The following UPB1 variants were observed in gnomAD, a reference collection of about 807,000 sequenced individuals.
The protein encoded by UPB1 is beta-ureidopropionase.
Under a neutral mutation model 49.1 loss-of-function variants are expected in UPB1, and 40 were observed. That is an observed-to-expected ratio of 0.81 (90% CI 0.63 to 1.06). UPB1 has a LOEUF of 1.06. Ranked by LOEUF, UPB1 falls within the 50% of genes least tolerant of loss-of-function variation. The probability of loss-of-function intolerance (pLI) is 0.00; values close to 1 mark genes in which losing one functional copy is unlikely to be tolerated. For missense variants in UPB1, 499 were observed against 505.9 expected, an observed-to-expected ratio of 0.99 and a Z score of 0.13; for synonymous variants, 207 against 198.2, an observed-to-expected ratio of 1.04 and a Z score of -0.38.
intron 3 of UPB1, chr22:24,502,946 G>A (rs1380626801): frequency 5.7e-6 from 1 of 175,790 alleles, no homozygotes; most frequent in African/African-American, 2.4e-5. Context: ...CAGGCTTAGA[G>A]TACAATCACA....
At position 24,523,632 on chromosome 22, in the gene UPB1, T is replaced by C; in HGVS notation, c.930T>C (p.Phe310=). ...GTTCCTTTAAAGCTCACCAGGACTTTGGCTACTTTTATGGCTCGAGCTATG... is the reference window on the plus strand; with the variant it reads ...GTTCCTTTAAAGCTCACCAGGACTTCGGCTACTTTTATGGCTCGAGCTATG... ...SGDGKKAHQD[F]GYFYGSSYVA... The change falls in exon 9 of 10, where the codon TTT becomes TTC. Residue 310 remains phenylalanine, a synonymous_variant. Transcript: ENST00000326010. The C allele has an allele frequency of 5.0e-6, 8 of 1,614,248 alleles. No homozygotes were observed. Among genetic ancestry groups the C allele is most frequent in the Non-Finnish European group, 6.8e-6 (8 of 1,180,032 alleles).
At chr22:24,496,392 CACACACACACAT>C (rs1261453043) in intron 1 of UPB1, among the ~76,000 whole-genome samples, 3,634 of 141,174 alleles carry the variant, frequency 0.026, 150 homozygotes, top group African/African-American at 0.095. Flanking sequence ...CACACACACA[CACACACACACAT>C]ACACACACAC....
At chr22:24,523,895 CTG>C in intron 9 of UPB1, 122 bp downstream of exon 9, 1 of 1,436,476 alleles carries the variant, frequency 7.0e-7, no homozygotes, top group Non-Finnish European at 9.7e-7. Flanking sequence ...CCTGAGGGCT[CTG>C]TGTGAGCTGA....
rs1331626702 is a variant in UPB1 at position 24,513,321 on chromosome 22, C to T, written c.460-3C>T. 1 of 1,614,002 alleles carries T rather than the reference C, an allele frequency of 6.2e-7. No homozygotes were observed. Among genetic ancestry groups the T allele is most frequent in the Non-Finnish European group, 8.5e-7 (1 of 1,180,022 alleles). ...GACTCTGCCATATTTATCATTTTTC[C>T]AGCTGGCGAAGAACCATGACATGGT... On this transcript the variant is annotated splice_region_variant and splice_polypyrimidine_tract_variant and intron_variant, in intron 4 of 9. Transcript: ENST00000326010.
chr22:24,513,594 T>TGTCACGTACACTCCAC (rs1377673407), intron 5 of UPB1, 109 bp downstream of exon 5: 2 of 1,441,602 alleles, frequency 1.4e-6, no homozygotes, highest in Non-Finnish European at 1.9e-6. Context: ...TCATACTCCA[T>TGTCACGTACACTCCAC]GTCACGTACA....
At chr22:24,517,067 A>G (rs2044309752) in intron 6 of UPB1, among the ~76,000 whole-genome samples, 1 of 152,152 alleles carries the variant, frequency 6.6e-6, no homozygotes. Flanking sequence ...TGTGACATTT[A>G]CCTTTTCTTT....
At chr22:24,512,972 A>G (rs949026326) in intron 4 of UPB1, among the ~76,000 whole-genome samples, 1 of 152,244 alleles carries the variant, frequency 6.6e-6, no homozygotes, top group Non-Finnish European at 1.5e-5. Context: ...TATTGTGAAT[A>G]ATGCTGCAAT....
intron 3 of UPB1, chr22:24,502,863 C>G (rs754134683): frequency 5.3e-5 from 14 of 263,498 alleles, no homozygotes; most frequent in Non-Finnish European, 8.7e-5. Context: ...TGTCCTTGTT[C>G]TATCCCCCCA....
In UPB1 at chr22:24,526,188, C is replaced by T; in HGVS notation, c.*394C>T. The T allele has an allele frequency of 3.1e-6, 1 of 325,242 alleles. No homozygotes were observed. The highest frequency in any genetic ancestry group is 8.0e-5 in the East Asian group (1 of 12,502). 20.1% of individuals were successfully genotyped at this position (325,242 alleles called of 1,614,324 possible). ...AAGAGGGTGAGGGCTGATCCAGAGACCCTGAGCCTACAGCAAGGCTGTGGT... is the reference window on the plus strand; with the variant it reads ...AAGAGGGTGAGGGCTGATCCAGAGATCCTGAGCCTACAGCAAGGCTGTGGT... On this transcript the variant is annotated 3_prime_UTR_variant, in exon 10 of 10. Transcript: ENST00000326010.
chr22:24,517,318 G>C (rs2044314418), intron 6 of UPB1, among the ~76,000 whole-genome samples: 2 of 152,338 alleles, frequency 1.3e-5, no homozygotes, highest in South Asian at 2.1e-4. Flanking sequence ...CAGATCACCA[G>C]TGATAGCATT....
intron 9 of UPB1, among the ~76,000 whole-genome samples, chr22:24,525,492 G>T (rs775073971): frequency 6.6e-6 from 1 of 152,182 alleles, no homozygotes; most frequent in East Asian, 1.9e-4. Flanking sequence ...TAGACAGGTC[G>T]AAGGGGTCAC....
At position 24,510,765 on chromosome 22, in the gene UPB1, C is replaced by G. The variant is rs774145567; in HGVS notation, c.381C>G (p.Phe127Leu). Residue 127 changes from phenylalanine to leucine, a missense_variant, in exon 4 of 10, where the codon TTC becomes TTG. Transcript: ENST00000326010. ...TATTTATAGCTATGCCCTTTGCCTT[C>G]TGTACGAGAGAGAAGCTTCCTTGGA... ...FQEAWTMPFA[F>L]CTREKLPWTE... 49 of 1,614,074 alleles carry G rather than the reference C, an allele frequency of 3.0e-5. No homozygotes were observed. The highest frequency in any genetic ancestry group is 5.0e-5 in the Admixed American group (3 of 60,000).
intron 8 of UPB1, among the ~76,000 whole-genome samples, chr22:24,522,494 C>T (rs968399814): frequency 1.3e-5 from 2 of 152,286 alleles, no homozygotes; most frequent in Non-Finnish European, 2.9e-5. Flanking sequence ...TACCACCTCA[C>T]CTCTGCTAAG....
intron 2 of UPB1, 90 bp from the exon 3 acceptor site, chr22:24,502,036 C>T: frequency 7.6e-7 from 1 of 1,319,270 alleles, no homozygotes; most frequent in Non-Finnish European, 1.1e-6. Flanking sequence ...CCCAGGTGGG[C>T]ATTGATTTTT....
At position 24,500,096 on chromosome 22, in the gene UPB1, T is replaced by C; in HGVS notation, c.105-11T>C. 1 of 1,614,122 alleles carries C rather than the reference T, an allele frequency of 6.2e-7. No homozygotes were observed. The highest frequency in any genetic ancestry group is 8.5e-7 in the Non-Finnish European group (1 of 1,180,024). On this transcript the variant is annotated splice_polypyrimidine_tract_variant and intron_variant, in intron 1 of 9. Transcript: ENST00000326010. ...CAAAATCCCCTTCCCTCTTTTTTCC[T>C]GCCCATCTAGGAAGCTTGATCTGCC...
In UPB1 at chr22:24,526,244, AGCTAGGC is replaced by A; in HGVS notation, c.*451_*457del. Reference sequence around the variant, plus strand: ...GGATGGTCTTTGGATGTGTCAGCTTAGCTAGGCCACAGTCACCAGTAATTCAATCAGA... The same window carrying A: ...GGATGGTCTTTGGATGTGTCAGCTTACACAGTCACCAGTAATTCAATCAGA... On this transcript the variant is annotated 3_prime_UTR_variant, in exon 10 of 10. Transcript: ENST00000326010. 1 of 261,406 alleles carries A rather than the reference AGCTAGGC, an allele frequency of 3.8e-6. No homozygotes were observed. The allele number at this position is 261,406 out of a possible 1,614,324, so 16.2% of individuals were successfully genotyped here. A position where few individuals can be genotyped will look rare whatever the true frequency, so the allele number is the denominator to read the frequency against.
chr22:24,496,102 C>T (rs1444337746), intron 1 of UPB1, among the ~76,000 whole-genome samples: 1 of 152,142 alleles, frequency 6.6e-6, no homozygotes, highest in Non-Finnish European at 1.5e-5. Flanking sequence ...CCTGGCCGGG[C>T]TCACACCTGT....
chr22:24,495,343 C>A lies in UPB1; in HGVS notation c.-61C>A. ...GCCTGACCGGGCCTGGGCACCTCCT[C>A]CCACTGCGGGCAAAGGGCAGGCAGT... is the stretch of plus-strand genomic sequence containing the variant. On this transcript the variant is annotated 5_prime_UTR_variant, in exon 1 of 10. Transcript: ENST00000326010. The A allele has an allele frequency of 6.3e-7, 1 of 1,582,598 alleles. No individual in the cohort carries two copies. Among genetic ancestry groups the A allele is most frequent in the East Asian group, 2.2e-5 (1 of 44,754 alleles).
chr22:24,509,664 A>T (rs895512149), intron 3 of UPB1, among the ~76,000 whole-genome samples: 2 of 152,176 alleles, frequency 1.3e-5, no homozygotes, highest in African/African-American at 4.8e-5. Context: ...GCCACCCTGC[A>T]GATTGGCCAA....
Sources: gnomAD v4.1 joint callset for allele counts (sites outside exome capture counted in the v4.1 genomes callset) on GRCh38, gnomAD v4.1.1 for gene constraint, MANE v1.5 for transcripts, NCBI Gene and HGNC (gene_info 2026-07-23, HGNC 2026-07-21) for gene names.